The following NCKAP5 variants were observed in gnomAD, a reference collection of about 807,000 sequenced individuals.
NCKAP5 encodes nck-associated protein 5.
NCKAP5 carries 92 observed loss-of-function variants against 167.0 expected under a neutral mutation model. The observed-to-expected ratio is 0.55, with a 90% confidence interval of 0.47 to 0.66. The LOEUF is 0.66. Among genes scored for constraint, NCKAP5 ranks in the 30% least tolerant of loss-of-function variants. The pLI, the probability that NCKAP5 is intolerant of heterozygous loss-of-function variation, is 0.00. For missense variants in NCKAP5, 2,378 were observed against 2,315.0 expected (o/e 1.03, Z -0.56); for synonymous variants, 891 against 877.4 (o/e 1.02, Z -0.27).
the NCKAP5 span, among the ~76,000 whole-genome samples, chr2:133,648,673 C>G: frequency 1.3e-5 from 2 of 151,552 alleles, no homozygotes; most frequent in African/African-American, 4.8e-5. Flanking sequence ...GAAATTAAAA[C>G]AAAAATTAGA....
chr2:133,064,797 ATCTC>A (rs776466374), intron 6 of NCKAP5, among the ~76,000 whole-genome samples: 7 of 152,112 alleles, frequency 4.6e-5, no homozygotes, highest in Non-Finnish European at 8.8e-5. Flanking sequence ...TTGCCATCTA[ATCTC>A]TCTCTCTGAG....
Position 132,732,023 on chromosome 2 carries a change from G to A in NCKAP5, c.5157C>T (p.Asp1719=), listed in dbSNP as rs1691064994. The change falls in exon 17 of 20, where the codon GAC becomes GAT. Residue 1719 remains aspartate (D), a synonymous_variant. Coordinates refer to ENST00000409261, the MANE Select transcript of NCKAP5 (RefSeq NM_207363.3). ...GGAGTGGAAAGGTTCCGATCCCACT[G>A]TCCAATGTTCTCATCTGGCAGTTGG... The part of the protein sequence containing the change: ...IESNCQMRTL[D]SGIGTFPLPD... The A allele has an allele frequency of 1.9e-6, 3 of 1,613,164 alleles. No individual in the cohort carries two copies. The African/African-American group carries it at 4.0e-5, about 22-fold the overall frequency.
intron 19 of NCKAP5, among the ~76,000 whole-genome samples, chr2:132,689,058 C>T (rs1035996255): frequency 6.6e-6 from 1 of 151,548 alleles, no homozygotes; most frequent in African/African-American, 2.4e-5. Flanking sequence ...GGTTGAACTC[C>T]CTACCCAGAA....
intron 5 of NCKAP5, among the ~76,000 whole-genome samples, chr2:133,194,823 G>T (rs1406344108): frequency 6.6e-6 from 1 of 150,836 alleles, no homozygotes; most frequent in Non-Finnish European, 1.5e-5. Context: ...TATTATGCTA[G>T]ATAAAAGAGC....
intron 3 of NCKAP5, among the ~76,000 whole-genome samples, chr2:133,465,398 C>T (rs1692504398): frequency 6.6e-6 from 1 of 151,596 alleles, no homozygotes. Flanking sequence ...TTTCTTAATC[C>T]AGTCTATCAT....
rs946896917 is a variant in NCKAP5, at chr2:132,675,478, C to T, written c.5714-2173G>A. 3.1e-4 allele frequency among the ~76,000 whole-genome samples: 47 copies of T among 152,160 alleles called. 1 individual carries two copies. The highest frequency in any genetic ancestry group is 2.8e-3 in the Admixed American group (43 of 15,268). ...CAAAGTGTGTTCCCCAGACCAACAA[C>T]GTCAACAACACCAAGGAGCTTCCTG... On this transcript the variant is annotated intron_variant, in intron 19 of 19. Transcript: ENST00000409261.
chr2:132,916,980 C>T (rs1490904614), intron 8 of NCKAP5, among the ~76,000 whole-genome samples: 1 of 152,102 alleles, frequency 6.6e-6, no homozygotes, highest in African/African-American at 2.4e-5. Context: ...TGGAGTAGAC[C>T]CAATAATGAT....
chr2:133,570,542 C>A (rs1158971541), upstream of NCKAP5, among the ~76,000 whole-genome samples: 1 of 152,104 alleles, frequency 6.6e-6, no homozygotes, highest in Non-Finnish European at 1.5e-5. Flanking sequence ...AGGACCCACC[C>A]CTTTCCCCTT....
At chr2:133,287,008 G>A (rs1024549717) in intron 4 of NCKAP5, among the ~76,000 whole-genome samples, 3 of 152,150 alleles carry the variant, frequency 2.0e-5, no homozygotes, top group Admixed American at 6.5e-5. Context: ...TCTGAAAGAT[G>A]ACCACTTTGC....
chr2:132,751,038 CATTT>C (rs1680065301), intron 16 of NCKAP5, among the ~76,000 whole-genome samples: 1 of 151,942 alleles, frequency 6.6e-6, no homozygotes. Context: ...CAGCTCAGCC[CATTT>C]ATTTGTTTCA....
At chr2:133,277,471 T>C (rs961105560) in intron 4 of NCKAP5, among the ~76,000 whole-genome samples, 1 of 152,068 alleles carries the variant, frequency 6.6e-6, no homozygotes, top group African/African-American at 2.4e-5. Flanking sequence ...GTATAAAACC[T>C]ATCTGGGGAA....
At chr2:133,619,553 G>A in the NCKAP5 span, among the ~76,000 whole-genome samples, 1 of 151,856 alleles carries the variant, frequency 6.6e-6, no homozygotes, top group Non-Finnish European at 1.5e-5. Flanking sequence ...AAAAAAGAAT[G>A]GAAAAATATG....
At chr2:133,671,011 C>T in the NCKAP5 span, among the ~76,000 whole-genome samples, 1 of 151,996 alleles carries the variant, frequency 6.6e-6, no homozygotes, top group Middle Eastern at 3.4e-3. Context: ...GTCAGGAGAT[C>T]GACACCGTCC....
intron 11 of NCKAP5, among the ~76,000 whole-genome samples, chr2:132,843,444 T>C (rs1688439478): frequency 1.3e-5 from 2 of 152,102 alleles, no homozygotes; most frequent in South Asian, 4.1e-4. Flanking sequence ...TATTACCCAA[T>C]GTCCCTCTTC....
At chr2:132,859,129 C>T (rs1261982386) in intron 11 of NCKAP5, among the ~76,000 whole-genome samples, 1 of 152,102 alleles carries the variant, frequency 6.6e-6, no homozygotes, top group Non-Finnish European at 1.5e-5. Context: ...TCCCACCCCA[C>T]AAAATTTTTG....
chr2:132,842,527 T>C (rs1688363404), intron 11 of NCKAP5, among the ~76,000 whole-genome samples: 1 of 152,008 alleles, frequency 6.6e-6, no homozygotes, highest in Non-Finnish European at 1.5e-5. Context: ...TATTTGAGGA[T>C]ATCCAACTTC....
intron 19 of NCKAP5, among the ~76,000 whole-genome samples, chr2:132,693,619 CTTTT>C (rs1185832600): frequency 1.2e-5 from 1 of 84,470 alleles, no homozygotes; most frequent in Non-Finnish European, 2.2e-5. Context: ...CCCACCCCGC[CTTTT>C]TTTTTTTTTT....
At chr2:133,135,703 A>C (rs2082765048) in intron 5 of NCKAP5, among the ~76,000 whole-genome samples, 1 of 152,120 alleles carries the variant, frequency 6.6e-6, no homozygotes, top group South Asian at 2.1e-4. Context: ...TGAACAAGCC[A>C]CTTAACTTAA....
intron 4 of NCKAP5, among the ~76,000 whole-genome samples, chr2:133,299,896 G>GAA (rs139215986): frequency 0.22 from 33,215 of 151,520 alleles, 4,345 homozygotes; most frequent in African/African-American, 0.37. Context: ...CAAGACTAAT[G>GAA]AAAAAGAGAG....
Sources: allele counts gnomAD v4.1 joint callset (sites outside exome capture counted in the v4.1 genomes callset), GRCh38; gene constraint gnomAD v4.1.1; transcripts MANE v1.5; gene names NCBI Gene and HGNC (gene_info 2026-07-23, HGNC 2026-07-21).